EPS8: variants seen among roughly 807,000 people sequenced by gnomAD.
EPS8 encodes epidermal growth factor receptor kinase substrate 8.
EPS8 carries 42 observed loss-of-function variants against 103.8 expected under a neutral mutation model. The observed-to-expected ratio is 0.40, with a 90% CI of 0.32 to 0.52. EPS8 has a LOEUF of 0.52. Among genes scored for constraint, EPS8 ranks in the 20% least tolerant of loss-of-function variants. The pLI is 0.40. For synonymous variants in EPS8, 344 were observed against 344.6 expected (o/e 1.00, Z 0.02); for missense variants, 969 against 1,005.1 (o/e 0.96, Z 0.49).
chr12:15,690,422 C>T lies in EPS8; in HGVS notation c.-21-7450G>A, dbSNP rs1341391287. Reference sequence around the variant, plus strand: ...TAGTGTATTATAATGCACATACTTACACTACCCCCAAACTACTTCTCATAT... The same window carrying T: ...TAGTGTATTATAATGCACATACTTATACTACCCCCAAACTACTTCTCATAT... On this transcript the variant is annotated intron_variant, in intron 1 of 20. Coordinates refer to ENST00000281172, the MANE Select transcript of EPS8 (RefSeq NM_004447.6). This position sits in a 1 kb window ranked among gnomAD's most constrained non-coding sequence, Gnocchi z 4.7. Among the ~76,000 whole-genome samples, 3 of 152,062 alleles carry T rather than the reference C, an allele frequency of 2.0e-5. No individual in the cohort carries two copies. Among genetic ancestry groups the T allele is most frequent in the Non-Finnish European group, 2.9e-5 (2 of 68,012 alleles).
At chr12:15,654,119 A>C (rs1405782799) in intron 13 of EPS8, 26 bp downstream of exon 13, 1 of 1,604,746 alleles carries the variant, frequency 6.2e-7, no homozygotes, top group African/African-American at 1.3e-5. Flanking sequence ...ATGGTACTTA[A>C]GGCATTATAG....
intron 18 of EPS8, among the ~76,000 whole-genome samples, chr12:15,624,641 G>A (rs985863565): frequency 6.6e-6 from 1 of 152,076 alleles, no homozygotes; most frequent in Admixed American, 6.5e-5. Context: ...CCCCAATCCT[G>A]GTTAAACCTA....
At chr12:15,691,396 A>C (rs1420968662) in intron 1 of EPS8, among the ~76,000 whole-genome samples, 1 of 152,080 alleles carries the variant, frequency 6.6e-6, no homozygotes, top group Non-Finnish European at 1.5e-5. Flanking sequence ...AAAAATTAAC[A>C]AAAAAGAAAG....
At chr12:15,741,739 T>C (rs1378591759) in intron 1 of EPS8, among the ~76,000 whole-genome samples, 1 of 152,130 alleles carries the variant, frequency 6.6e-6, no homozygotes, top group African/African-American at 2.4e-5. Flanking sequence ...TTTTTTTAAG[T>C]TCTAGGGTAC....
At chr12:15,710,673 T>C (rs560545375) in intron 1 of EPS8, among the ~76,000 whole-genome samples, 1 of 152,300 alleles carries the variant, frequency 6.6e-6, no homozygotes, top group South Asian at 2.1e-4. Context: ...AAAGTCAATT[T>C]TTAAGTGCTT....
At chr12:15,687,393 G>A (rs533993760) in intron 1 of EPS8, among the ~76,000 whole-genome samples, 1 of 152,278 alleles carries the variant, frequency 6.6e-6, no homozygotes, top group Admixed American at 6.5e-5. Context: ...TAGAAGAACA[G>A]TATTTTCTCA....
chr12:15,785,970 A>C lies in EPS8; in HGVS notation c.-22+3191T>G, dbSNP rs1008375024. On this transcript the variant is annotated intron_variant, in intron 1 of 20. Coordinates refer to ENST00000281172, the MANE Select transcript of EPS8 (RefSeq NM_004447.6). This position sits in a 1 kb window ranked among gnomAD's most constrained non-coding sequence, Gnocchi z 4.9. ...AGAACAAAATAAATATGATTGAGTA[A>C]ATAAATACATGGGGGAGAAGAGACA... 1.9e-4 allele frequency among the ~76,000 whole-genome samples: 29 copies of C among 151,960 alleles called. No homozygotes were observed. Among genetic ancestry groups the C allele is most frequent in the African/African-American group, 5.3e-4 (22 of 41,518 alleles).
At chr12:15,629,657 C>T (rs1945009764) in intron 18 of EPS8, among the ~76,000 whole-genome samples, 1 of 152,098 alleles carries the variant, frequency 6.6e-6, no homozygotes, top group African/African-American at 2.4e-5. Flanking sequence ...ATCACTTTTC[C>T]AAAACTTCAT....
rs1474999762 is a variant in EPS8, at chr12:15,745,673, C to A, written c.-22+43488G>T. ...GACCTCCCATTGTTCACTTTCAAAT[C>A]CTTGGAAATACACAAAGAGAAATTA... On this transcript the variant is annotated intron_variant, in intron 1 of 20. Transcript: ENST00000281172. This position sits in a 1 kb window ranked among gnomAD's most constrained non-coding sequence, Gnocchi z 4.6. 1.3e-5 allele frequency among the ~76,000 whole-genome samples: 2 copies of A among 152,078 alleles called. No homozygotes were observed. The highest frequency in any genetic ancestry group is 2.4e-5 in the African/African-American group (1 of 41,414).
chr12:15,766,104 T>G (rs901302023), intron 1 of EPS8, among the ~76,000 whole-genome samples: 2 of 150,860 alleles, frequency 1.3e-5, no homozygotes, highest in Non-Finnish European at 3.0e-5. Flanking sequence ...GTGAGCCACC[T>G]GCAACCGGCC....
At chr12:15,715,306 C>T (rs995285370) in intron 1 of EPS8, among the ~76,000 whole-genome samples, 4 of 152,068 alleles carry the variant, frequency 2.6e-5, no homozygotes, top group Non-Finnish European at 5.9e-5. Flanking sequence ...AGCCCAACAT[C>T]CCCCTTGGCC....
intron 17 of EPS8, among the ~76,000 whole-genome samples, chr12:15,633,006 G>A (rs942461874): frequency 2.6e-5 from 4 of 152,112 alleles, no homozygotes; most frequent in East Asian, 3.9e-4. Flanking sequence ...GGTAGATGCT[G>A]AGGGAAGAAG....
At chr12:15,672,362 AC>A (rs1338855982) in intron 3 of EPS8, 4 of 396,588 alleles carry the variant, frequency 1.0e-5, no homozygotes, top group Non-Finnish European at 1.8e-5. Flanking sequence ...TATCAATATT[AC>A]TCTGATATTC....
At chr12:15,786,701 A>G (rs1947315048) in intron 1 of EPS8, among the ~76,000 whole-genome samples, 1 of 152,168 alleles carries the variant, frequency 6.6e-6, no homozygotes, top group Non-Finnish European at 1.5e-5. Flanking sequence ...ATACATCTAG[A>G]AAATACTGAA....
Position 15,731,739 on chromosome 12 carries a change from A to C in EPS8, c.-21-48767T>G, listed in dbSNP as rs1337638759. ...TTCATTTTGTCTTCGTGTAAGGGTC[A>C]ATAATTTCAATCATCCCCCAAACTG... On this transcript the variant is annotated intron_variant, in intron 1 of 20. Coordinates refer to ENST00000281172, the MANE Select transcript of EPS8 (RefSeq NM_004447.6). The surrounding 1 kb of genome is among the most constrained non-coding windows in gnomAD (Gnocchi z 5.1). Among the ~76,000 whole-genome samples the C allele has an allele frequency of 6.6e-6, 1 of 152,212 alleles. No homozygotes were observed. Among genetic ancestry groups the C allele is most frequent in the South Asian group, 2.1e-4 (1 of 4,832 alleles).
intron 11 of EPS8, 61 bp downstream of exon 11, chr12:15,658,436 G>T: frequency 9.0e-7 from 1 of 1,115,656 alleles, no homozygotes; most frequent in Non-Finnish European, 1.4e-6. Flanking sequence ...GAAACATCCT[G>T]ACTAGATTTT....
chr12:15,719,142 A>G (rs1225401886), intron 1 of EPS8, among the ~76,000 whole-genome samples: 3 of 152,150 alleles, frequency 2.0e-5, no homozygotes, highest in Non-Finnish European at 4.4e-5. Flanking sequence ...GTTTAATTCC[A>G]AAGCATGTAC....
intron 13 of EPS8, 126 bp downstream of exon 13, chr12:15,654,019 G>A: frequency 1.2e-6 from 1 of 849,420 alleles, no homozygotes; most frequent in South Asian, 1.7e-5. Context: ...TAGCCTTTAA[G>A]GGTTTAGGTT....
chr12:15,623,622 T>G (rs1363015314), intron 19 of EPS8, among the ~76,000 whole-genome samples: 1 of 152,210 alleles, frequency 6.6e-6, no homozygotes, highest in East Asian at 1.9e-4. Context: ...CCATTGTATC[T>G]CATTTTTCAA....
Sources: gnomAD v4.1 joint callset for allele counts (sites outside exome capture counted in the v4.1 genomes callset) on GRCh38, gnomAD v4.1.1 for gene constraint, Gnocchi (gnomAD v3.1) non-coding constraint, MANE v1.5 for transcripts, NCBI Gene and HGNC (gene_info 2026-07-23, HGNC 2026-07-21) for gene names.